SLC24A2: variants seen among roughly 807,000 people sequenced by gnomAD.
SLC24A2 encodes solute carrier family 24 member 2.
In SLC24A2, 36 loss-of-function variants were observed where a neutral mutation model predicts 62.0. That is an observed-to-expected ratio of 0.58 (90% confidence interval 0.44 to 0.77). The LOEUF (loss-of-function observed/expected upper bound fraction) is 0.77, where lower values mean the gene tolerates loss of function less well. SLC24A2 is among the 30% of genes least tolerant of loss of function. The pLI is 0.00. For missense variants in SLC24A2, 846 were observed against 817.9 expected, an observed-to-expected ratio of 1.03 and a Z score of -0.42; for synonymous variants, 358 against 294.0, an observed-to-expected ratio of 1.22 and a Z score of -2.23.
chr9:19,562,677 C>T (rs1319441374), intron 7 of SLC24A2, among the ~76,000 whole-genome samples: 1 of 152,050 alleles, frequency 6.6e-6, no homozygotes, highest in African/African-American at 2.4e-5. Flanking sequence ...AAAATGGAAC[C>T]CATGTGCCAA....
chr9:19,523,175 A>T (rs1728640952), intron 9 of SLC24A2, among the ~76,000 whole-genome samples: 1 of 152,212 alleles, frequency 6.6e-6, no homozygotes, highest in South Asian at 2.1e-4. Context: ...AATAATTTGT[A>T]TTTGGAGTTT....
the SLC24A2 span, among the ~76,000 whole-genome samples, chr9:20,074,617 G>A: frequency 2.2e-5 from 3 of 139,066 alleles, no homozygotes; most frequent in South Asian, 2.6e-4. Context: ...AAGGGAGTGA[G>A]GGAGGGAGGG....
chr9:19,781,242 T>C (rs1464020494), intron 2 of SLC24A2, among the ~76,000 whole-genome samples: 3 of 152,128 alleles, frequency 2.0e-5, no homozygotes, highest in African/African-American at 4.8e-5. Flanking sequence ...AGCAAGAGAA[T>C]AGCTTAACAC....
At chr9:20,012,323 G>A in the SLC24A2 span, among the ~76,000 whole-genome samples, 1 of 152,132 alleles carries the variant, frequency 6.6e-6, no homozygotes, top group South Asian at 2.1e-4. Context: ...CTTGTGCAGG[G>A]AAACTCCCCT....
At chr9:19,636,821 T>C (rs552418810) in intron 2 of SLC24A2, among the ~76,000 whole-genome samples, 1 of 152,258 alleles carries the variant, frequency 6.6e-6, no homozygotes, top group Non-Finnish European at 1.5e-5. Context: ...TAGTTTTGTG[T>C]GTATACAAAC....
At chr9:19,962,585 T>G in the SLC24A2 span, among the ~76,000 whole-genome samples, 1 of 152,192 alleles carries the variant, frequency 6.6e-6, no homozygotes, top group Non-Finnish European at 1.5e-5. Flanking sequence ...TCCCGTCCCT[T>G]GTAAGTTGGA....
chr9:19,882,902 G>C, the SLC24A2 span, among the ~76,000 whole-genome samples: 1 of 152,178 alleles, frequency 6.6e-6, no homozygotes, highest in South Asian at 2.1e-4. Context: ...ATTCCTTTTA[G>C]AGCTCTCAGT....
chr9:20,117,714 A>G, the SLC24A2 span, among the ~76,000 whole-genome samples: 1 of 152,266 alleles, frequency 6.6e-6, no homozygotes, highest in East Asian at 1.9e-4. Context: ...TTTGATTCCA[A>G]GGTCCATACT....
the SLC24A2 span, among the ~76,000 whole-genome samples, chr9:20,209,119 C>T: frequency 6.6e-6 from 1 of 152,170 alleles, no homozygotes; most frequent in Non-Finnish European, 1.5e-5. Flanking sequence ...CAAGGCTTAG[C>T]AAAGCATTCA....
the SLC24A2 span, among the ~76,000 whole-genome samples, chr9:19,883,710 T>G: frequency 1.3e-5 from 2 of 152,060 alleles, no homozygotes; most frequent in South Asian, 2.1e-4. Flanking sequence ...GGACTACAGG[T>G]GCCCGCCACC....
intron 2 of SLC24A2, among the ~76,000 whole-genome samples, chr9:19,779,856 G>C (rs897695737): frequency 1.3e-5 from 2 of 152,056 alleles, no homozygotes; most frequent in African/African-American, 4.8e-5. Flanking sequence ...TCAGGAGATG[G>C]AGACCACCCT....
chr9:20,221,564 C>G, the SLC24A2 span, among the ~76,000 whole-genome samples: 3,538 of 149,794 alleles, frequency 0.024, 144 homozygotes, highest in African/African-American at 0.08. Context: ...TAAAACCATA[C>G]TAAATGGTAG....
At chr9:20,196,015 T>A in the SLC24A2 span, among the ~76,000 whole-genome samples, 4 of 152,074 alleles carry the variant, frequency 2.6e-5, no homozygotes, top group East Asian at 7.7e-4. Context: ...ACAATATCTG[T>A]TTAATAGCAT....
chr9:20,008,995 C>G, the SLC24A2 span, among the ~76,000 whole-genome samples: 1 of 152,080 alleles, frequency 6.6e-6, no homozygotes, highest in African/African-American at 2.4e-5. Flanking sequence ...CCTTAGACTG[C>G]AGAACTGAAA....
the SLC24A2 span, among the ~76,000 whole-genome samples, chr9:19,826,732 A>T: frequency 2.0e-5 from 3 of 152,186 alleles, no homozygotes; most frequent in Non-Finnish European, 4.4e-5. Context: ...TCATGGGCCA[A>T]TTACTTTCTA....
the SLC24A2 span, among the ~76,000 whole-genome samples, chr9:20,193,045 A>G: frequency 6.6e-6 from 1 of 152,180 alleles, no homozygotes; most frequent in East Asian, 1.9e-4. Context: ...TTTGATTATC[A>G]TAAGAGGTCT....
the SLC24A2 span, among the ~76,000 whole-genome samples, chr9:20,283,410 G>A: frequency 6.6e-6 from 1 of 152,126 alleles, no homozygotes; most frequent in Non-Finnish European, 1.5e-5. Flanking sequence ...CAATTCGTAT[G>A]GACTCTAGAT....
At chr9:19,547,206 T>C (rs1406418874) in intron 8 of SLC24A2, among the ~76,000 whole-genome samples, 4 of 152,168 alleles carry the variant, frequency 2.6e-5, no homozygotes, top group African/African-American at 9.7e-5. Flanking sequence ...AAGAGTCTTA[T>C]TTCTGCTTGG....
the SLC24A2 span, among the ~76,000 whole-genome samples, chr9:20,307,145 A>G: frequency 3.3e-5 from 5 of 152,228 alleles, no homozygotes; most frequent in South Asian, 2.1e-4. Context: ...TGGAAAATCT[A>G]TATCATTTGT....
Sources: allele counts gnomAD v4.1 joint callset (sites outside exome capture counted in the v4.1 genomes callset), GRCh38; gene constraint gnomAD v4.1.1; transcripts MANE v1.5; gene names NCBI Gene and HGNC (gene_info 2026-07-23, HGNC 2026-07-21).